SLC1A1: variants seen among roughly 807,000 people sequenced by gnomAD.
The protein encoded by SLC1A1 is solute carrier family 1 member 1, also known as excitatory amino acid transporter 3.
A neutral mutation model predicts 53.3 loss-of-function variants in SLC1A1; 43 were observed. That is an observed-to-expected ratio of 0.81 (90% confidence interval 0.63 to 1.04). The LOEUF (loss-of-function observed/expected upper bound fraction) is 1.04, where lower values mean the gene tolerates loss of function less well. SLC1A1 is among the 50% of genes least tolerant of loss of function. The pLI is 0.00. For missense variants in SLC1A1, 748 were observed against 664.9 expected (o/e 1.12, Z -1.37); for synonymous variants, 307 against 243.2 (o/e 1.26, Z -2.44).
intron 1 of SLC1A1, among the ~76,000 whole-genome samples, chr9:4,539,734 G>A (rs969724245): frequency 6.6e-6 from 1 of 152,056 alleles, no homozygotes; most frequent in Non-Finnish European, 1.5e-5. Context: ...ACCAAGCCTG[G>A]CTAATTTTTG....
intron 10 of SLC1A1, among the ~76,000 whole-genome samples, chr9:4,577,479 A>G (rs1342357741): frequency 2.0e-5 from 3 of 152,096 alleles, no homozygotes; most frequent in Non-Finnish European, 1.5e-5. Context: ...CATTTTATGT[A>G]TTTATTTATT....
intron 1 of SLC1A1, among the ~76,000 whole-genome samples, chr9:4,525,942 T>C (rs1816242129): frequency 6.6e-6 from 1 of 151,912 alleles, no homozygotes; most frequent in South Asian, 2.1e-4. Context: ...AAAGTAAAAA[T>C]ACCATATAAT....
intron 2 of SLC1A1, among the ~76,000 whole-genome samples, chr9:4,557,547 A>G (rs1818529470): frequency 2.0e-5 from 3 of 152,046 alleles, no homozygotes; most frequent in Admixed American, 2.0e-4. Flanking sequence ...GCAATTTGGG[A>G]GGCCGAGGTG....
chr9:4,491,532 T>G (rs1436269553), intron 1 of SLC1A1, among the ~76,000 whole-genome samples: 1 of 152,142 alleles, frequency 6.6e-6, no homozygotes, highest in Non-Finnish European at 1.5e-5. Flanking sequence ...TAAACAAGGG[T>G]GTATTTAAGT....
At chr9:4,507,830 T>C (rs1820855517) in intron 1 of SLC1A1, among the ~76,000 whole-genome samples, 1 of 152,184 alleles carries the variant, frequency 6.6e-6, no homozygotes, top group Admixed American at 6.5e-5. Context: ...TGTACCTGAC[T>C]AAAACCTGCT....
At chr9:4,520,233 A>T (rs1016962637) in intron 1 of SLC1A1, among the ~76,000 whole-genome samples, 1 of 152,154 alleles carries the variant, frequency 6.6e-6, no homozygotes, top group East Asian at 1.9e-4. Flanking sequence ...CATCCTGCCA[A>T]GTGGAAGTTT....
intron 1 of SLC1A1, among the ~76,000 whole-genome samples, chr9:4,499,372 T>C (rs991583822): frequency 6.6e-6 from 1 of 152,160 alleles, no homozygotes; most frequent in Non-Finnish European, 1.5e-5. Context: ...ATCTATCTTA[T>C]CTCCTTAGTT....
chr9:4,494,622 CTCAAT>C, intron 1 of SLC1A1, among the ~76,000 whole-genome samples: 1 of 151,042 alleles, frequency 6.6e-6, no homozygotes, highest in Non-Finnish European at 1.5e-5. Context: ...CCGGCTAATC[CTCAAT>C]TCATTTAAAT....
chr9:4,577,564 C>A (rs566040869), intron 10 of SLC1A1, among the ~76,000 whole-genome samples: 39 of 152,304 alleles, frequency 2.6e-4, no homozygotes, highest in African/African-American at 9.1e-4. Flanking sequence ...CAACCTCCGC[C>A]TCCAGGGTTC....
At chr9:4,492,731 G>A (rs887746943) in intron 1 of SLC1A1, among the ~76,000 whole-genome samples, 3 of 152,052 alleles carry the variant, frequency 2.0e-5, no homozygotes, top group African/African-American at 7.2e-5. Context: ...GGGAGGTCGA[G>A]GCTGCAGTGA....
chr9:4,499,121 T>C (rs951508907), intron 1 of SLC1A1, among the ~76,000 whole-genome samples: 10 of 150,504 alleles, frequency 6.6e-5, no homozygotes, highest in Non-Finnish European at 1.5e-4. Context: ...CTTGGCTCAC[T>C]GCAACCCCTG....
At chr9:4,563,319 A>G (rs1165023038) in intron 3 of SLC1A1, among the ~76,000 whole-genome samples, 1 of 152,280 alleles carries the variant, frequency 6.6e-6, no homozygotes, top group Non-Finnish European at 1.5e-5. Flanking sequence ...GAACTGTACC[A>G]TAAAACAAAA....
At chr9:4,511,105 G>A (rs571888838) in intron 1 of SLC1A1, among the ~76,000 whole-genome samples, 72 of 152,212 alleles carry the variant, frequency 4.7e-4, no homozygotes, top group Non-Finnish European at 8.2e-4. Context: ...CACATGGTTT[G>A]AAATTGATGG....
chr9:4,544,741 T>C, intron 2 of SLC1A1, 34 bp downstream of exon 2: 1 of 1,559,274 alleles, frequency 6.4e-7, no homozygotes. Flanking sequence ...TCTATATTAG[T>C]CCATTTTCAT....
intron 1 of SLC1A1, among the ~76,000 whole-genome samples, chr9:4,506,388 G>A (rs1319715003): frequency 3.9e-5 from 6 of 152,170 alleles, no homozygotes; most frequent in African/African-American, 1.4e-4. Context: ...GTTATTAAGT[G>A]GAAAAGGCCT....
chr9:4,574,441 G>A (rs938953355), intron 8 of SLC1A1, among the ~76,000 whole-genome samples: 3 of 152,152 alleles, frequency 2.0e-5, no homozygotes, highest in African/African-American at 7.2e-5. Context: ...TGAGCAAGTA[G>A]GAGCAGGATG....
At chr9:4,493,494 C>T (rs1439316184) in intron 1 of SLC1A1, among the ~76,000 whole-genome samples, 1 of 152,178 alleles carries the variant, frequency 6.6e-6, no homozygotes, top group East Asian at 1.9e-4. Flanking sequence ...CGCAAGAGCT[C>T]TAATGCAGCC....
In SLC1A1 at chr9:4,556,458, C is replaced by T. The variant is rs2129636840; in HGVS notation, c.233-4991C>T. 6.6e-6 allele frequency among the ~76,000 whole-genome samples: 1 copy of T among 152,300 alleles called. No homozygotes were observed. Among genetic ancestry groups the T allele is most frequent in the Middle Eastern group, 3.4e-3 (1 of 294 alleles). On this transcript the variant is annotated intron_variant, in intron 2 of 11. Coordinates refer to ENST00000262352, the MANE Select transcript of SLC1A1 (RefSeq NM_004170.6). This position sits in a 1 kb window ranked among gnomAD's most constrained non-coding sequence, Gnocchi z 4.1. ...TTCTCATTTATCACCCCCTATAGGA[C>T]AGCTTTCAACTCCCAGGAGAAACGA...
chr9:4,546,284 G>A (rs940677103), intron 2 of SLC1A1, among the ~76,000 whole-genome samples: 1 of 152,158 alleles, frequency 6.6e-6, no homozygotes, highest in Non-Finnish European at 1.5e-5. Flanking sequence ...GAAATGCCTG[G>A]TTCCTTTTAA....
Sources: allele counts gnomAD v4.1 joint callset (sites outside exome capture counted in the v4.1 genomes callset), GRCh38; gene constraint gnomAD v4.1.1; non-coding constraint Gnocchi (gnomAD v3.1); transcripts MANE v1.5; gene names NCBI Gene and HGNC (gene_info 2026-07-23, HGNC 2026-07-21).